The following GHR variants were observed in gnomAD, a reference collection of about 807,000 sequenced individuals.
GHR encodes the protein GH receptor.
In GHR, 35 loss-of-function variants were observed where a neutral mutation model predicts 67.1. The ratio of observed to expected loss-of-function variants is 0.52; its 90% CI spans 0.40 to 0.69. The LOEUF (loss-of-function observed/expected upper bound fraction) is 0.69. GHR is among the 30% of genes least tolerant of loss of function. The probability of loss-of-function intolerance (pLI) is 0.00; values close to 1 mark genes in which losing one functional copy is unlikely to be tolerated. For synonymous variants in GHR, 272 were observed against 269.1 expected, an observed-to-expected ratio of 1.01 and a Z score of -0.10; for missense variants, 792 against 764.6, an observed-to-expected ratio of 1.04 and a Z score of -0.42.
chr5:42,563,909 G>A (rs570143813), intron 1 of GHR, among the ~76,000 whole-genome samples: 159 of 152,188 alleles, frequency 1.0e-3, no homozygotes, highest in South Asian at 2.9e-3. Flanking sequence ...TTCTGCTGGA[G>A]GTTTCCAGCT....
intron 3 of GHR, among the ~76,000 whole-genome samples, chr5:42,650,043 T>C (rs944072410): frequency 1.3e-5 from 2 of 152,126 alleles, no homozygotes; most frequent in African/African-American, 2.4e-5. Context: ...AGAATATTGA[T>C]TGAGCACCTA....
chr5:42,474,295 G>GAGAAAGAAAGAAAGAAAGAAAGAGAA (rs1745165306), intron 1 of GHR, among the ~76,000 whole-genome samples: 7 of 81,068 alleles, frequency 8.6e-5, no homozygotes, highest in African/African-American at 4.0e-4. Flanking sequence ...AAAAGAGAAA[G>GAGAAAGAAAGAAAGAAAGAAAGAGAA]AGAAAGAAAG....
chr5:42,705,753 G>T (rs1458511338), intron 6 of GHR, among the ~76,000 whole-genome samples: 1 of 152,090 alleles, frequency 6.6e-6, no homozygotes, highest in Non-Finnish European at 1.5e-5. Flanking sequence ...TTTTACGCCT[G>T]AGCAGTATTC....
At chr5:42,700,101 T>C (rs533844427) in intron 6 of GHR, 99 bp downstream of exon 6, 4 of 738,124 alleles carry the variant, frequency 5.4e-6, no homozygotes, top group East Asian at 5.4e-5. Context: ...ATACCACATG[T>C]TCATGCTGTA....
chr5:42,532,592 G>T (rs1173576091), intron 1 of GHR, among the ~76,000 whole-genome samples: 1 of 151,952 alleles, frequency 6.6e-6, no homozygotes, highest in African/African-American at 2.4e-5. Context: ...TCTTGCATAG[G>T]TATTTATATA....
At chr5:42,484,872 C>G (rs910297624) in intron 1 of GHR, among the ~76,000 whole-genome samples, 2 of 152,184 alleles carry the variant, frequency 1.3e-5, no homozygotes, top group African/African-American at 4.8e-5. Flanking sequence ...AGAGGCAGTC[C>G]TTCTGCCAAG....
chr5:42,572,445 A>G (rs1750379442), intron 2 of GHR, among the ~76,000 whole-genome samples: 1 of 152,162 alleles, frequency 6.6e-6, no homozygotes, highest in Non-Finnish European at 1.5e-5. Context: ...AAACTTCCTC[A>G]TCATCTGTAG....
At chr5:42,618,669 A>G (rs1006146553) in intron 2 of GHR, among the ~76,000 whole-genome samples, 2 of 152,164 alleles carry the variant, frequency 1.3e-5, no homozygotes, top group African/African-American at 4.8e-5. Flanking sequence ...GGCAATCGTA[A>G]TCAGAAGCAC....
intron 1 of GHR, chr5:42,425,022 GGAAGGGACAGA>G (rs1414746419): frequency 2.0e-6 from 2 of 985,082 alleles, no homozygotes; most frequent in African/African-American, 3.5e-5. Context: ...AGGAGACCTT[GGAAGGGACAGA>G]GAAAGGTAAC....
intron 1 of GHR, among the ~76,000 whole-genome samples, chr5:42,435,952 A>T (rs1743305088): frequency 6.6e-6 from 1 of 152,208 alleles, no homozygotes. Flanking sequence ...AACAAGAACA[A>T]AGTTTTACTC....
rs115159318 is a variant in GHR, at chr5:42,680,246, G to A, written c.137-8644G>A. Among the ~76,000 whole-genome samples the A allele has an allele frequency of 2.1e-3, 326 of 152,224 alleles. 1 individual carries two copies. Among genetic ancestry groups the A allele is most frequent in the African/African-American group, 7.4e-3 (308 of 41,532 alleles). On this transcript the variant is annotated intron_variant, in intron 3 of 9. Coordinates refer to ENST00000230882, the MANE Select transcript of GHR (RefSeq NM_000163.5). ...CCTCAGAACATATGAAAGTGATTTC[G>A]GCTGACAATAAGTATTTCCTCACTT...
At chr5:42,657,684 C>A (rs2112848163) in intron 3 of GHR, among the ~76,000 whole-genome samples, 1 of 152,308 alleles carries the variant, frequency 6.6e-6, no homozygotes, top group Middle Eastern at 3.4e-3. Flanking sequence ...CACTCTATTT[C>A]CTACTGTAAC....
intron 7 of GHR, among the ~76,000 whole-genome samples, chr5:42,711,596 A>G (rs1174694920): frequency 1.3e-5 from 2 of 152,162 alleles, no homozygotes; most frequent in Non-Finnish European, 2.9e-5. Flanking sequence ...TCCGGGGGGC[A>G]GGTGGAAGTT....
intron 1 of GHR, among the ~76,000 whole-genome samples, chr5:42,534,228 G>A (rs1369458288): frequency 8.5e-6 from 1 of 118,324 alleles, no homozygotes; most frequent in Non-Finnish European, 1.7e-5. Flanking sequence ...ATATGTACAT[G>A]TGTATATGTG....
intron 3 of GHR, among the ~76,000 whole-genome samples, chr5:42,641,182 G>GCTGTACACAT (rs57383090): frequency 0.28 from 42,443 of 151,804 alleles, 7,899 homozygotes; most frequent in African/African-American, 0.53. Flanking sequence ...GCTGTACACA[G>GCTGTACACAT]AGCTAAAAGT....
chr5:42,673,303 G>A (rs545253806), intron 3 of GHR, among the ~76,000 whole-genome samples: 13 of 152,250 alleles, frequency 8.5e-5, no homozygotes, highest in African/African-American at 1.7e-4. Context: ...GCTCATACAC[G>A]GTTGCTGGGA....
chr5:42,662,605 A>T (rs1755708655), intron 3 of GHR, among the ~76,000 whole-genome samples: 1 of 152,218 alleles, frequency 6.6e-6, no homozygotes, highest in South Asian at 2.1e-4. Context: ...CATTCAAAGC[A>T]GTGTGTAGAG....
At chr5:42,492,846 A>G (rs1235081820) in intron 1 of GHR, among the ~76,000 whole-genome samples, 1 of 152,202 alleles carries the variant, frequency 6.6e-6, no homozygotes. Flanking sequence ...TAAGACCCAA[A>G]GCTCTGTTGC....
At chr5:42,607,033 T>A (rs569998429) in intron 2 of GHR, among the ~76,000 whole-genome samples, 2 of 152,286 alleles carry the variant, frequency 1.3e-5, no homozygotes, top group African/African-American at 4.8e-5. Flanking sequence ...ATTCTCATGA[T>A]AGTGAGTGAG....
Sources: gnomAD v4.1 joint callset for allele counts (sites outside exome capture counted in the v4.1 genomes callset) on GRCh38, gnomAD v4.1.1 for gene constraint, MANE v1.5 for transcripts, NCBI Gene and HGNC (gene_info 2026-07-23, HGNC 2026-07-21) for gene names.